TRRAP: variants seen among roughly 807,000 people sequenced by gnomAD.
TRRAP encodes the protein transformation/transcription domain-associated protein.
TRRAP carries 41 observed loss-of-function variants against 438.8 expected under a neutral mutation model. The ratio of observed to expected loss-of-function variants is 0.09; its 90% confidence interval spans 0.07 to 0.12. The LOEUF (loss-of-function observed/expected upper bound fraction) is 0.12, where lower values mean the gene tolerates loss of function less well. Among genes scored for constraint, TRRAP ranks in the 10% least tolerant of loss-of-function variants. The pLI, the probability that TRRAP is intolerant of heterozygous loss-of-function variation, is 1.00. For missense variants in TRRAP, 3,122 were observed against 5,055.1 expected, an observed-to-expected ratio of 0.62 and a Z score of 11.60; for synonymous variants, 1,994 against 1,962.9, an observed-to-expected ratio of 1.02 and a Z score of -0.42.
chr7:98,937,972 C>G (rs137930779), intron 30 of TRRAP, 152 bp downstream of exon 30: 26 of 778,524 alleles, frequency 3.3e-5, no homozygotes, highest in Non-Finnish European at 3.9e-5. Context: ...GTTGGGAGTT[C>G]GAGACCAGAC....
chr7:98,966,726 T>C (rs1334701536), intron 49 of TRRAP, among the ~76,000 whole-genome samples: 1 of 152,202 alleles, frequency 6.6e-6, no homozygotes, highest in African/African-American at 2.4e-5. Flanking sequence ...GTTAACCTTT[T>C]TATGGCGATA....
At chr7:98,918,288 A>C (rs1298084555) in intron 20 of TRRAP, among the ~76,000 whole-genome samples, 1 of 132,334 alleles carries the variant, frequency 7.6e-6, no homozygotes, top group Admixed American at 8.8e-5. Context: ...TGGAGTGCAG[A>C]GGCGCGATCT....
At chr7:98,909,529 A>G (rs1554408218) in intron 14 of TRRAP, among the ~76,000 whole-genome samples, 1 of 152,224 alleles carries the variant, frequency 6.6e-6, no homozygotes, top group African/African-American at 2.4e-5. Flanking sequence ...AGCTCTTAGC[A>G]CACTTCCTGG....
intron 2 of TRRAP, among the ~76,000 whole-genome samples, chr7:98,881,457 A>G (rs1477265157): frequency 6.6e-6 from 1 of 152,068 alleles, no homozygotes; most frequent in Non-Finnish European, 1.5e-5. Flanking sequence ...CTGTAGTCCC[A>G]GCTACTTGGG....
rs760857914 is a variant in TRRAP, at chr7:98,976,213, C to T, written c.7904C>T (p.Thr2635Met). The T allele has an allele frequency of 1.4e-5, 22 of 1,614,040 alleles. No individual in the cohort carries two copies. Among genetic ancestry groups the T allele is most frequent in the Non-Finnish European group, 1.8e-5 (21 of 1,180,022 alleles). The change falls in exon 54 of 73, where the codon ACG becomes ATG. Residue 2635 changes from threonine to methionine, a missense_variant. By Grantham distance (81) the Thr-to-Met change is moderately conservative (BLOSUM62 -1). Around this residue, in one of 24 missense-constraint regions of TRRAP, gnomAD observed 992 missense variants for 1,281.2 expected, o/e 0.77. Coordinates refer to ENST00000456197, the MANE Select transcript of TRRAP (RefSeq NM_001375524.1). This position sits in a 1 kb window ranked among gnomAD's most constrained non-coding sequence, Gnocchi z 4.6. ...ATTTCCACGACGCTGGCAGAGAAGA[C>T]GTGGGTCCAGCTTTTCCCCAGATTG... ...CHISTTLAEK[T>M]WVQLFPRLWK...
Position 99,011,959 on chromosome 7 carries a change from G to A in TRRAP, c.11338-112G>A. On this transcript the variant is annotated intron_variant, in intron 72 of 72. Transcript: ENST00000456197. This position sits in a 1 kb window ranked among gnomAD's most constrained non-coding sequence, Gnocchi z 7.1. The stretch of plus-strand genomic sequence containing the variant: ...CTGGCCTGGTGCTGAAACTCGACTG[G>A]CCCTTGGTGGCCCTGAGCGGCCGCT... 13 of 1,376,686 alleles carry A rather than the reference G, an allele frequency of 9.4e-6. No homozygotes were observed. The highest frequency in any genetic ancestry group is 1.3e-5 in the Non-Finnish European group (13 of 1,012,170). The allele number at this position is 1,376,686 out of a possible 1,614,324, so 85.3% of individuals were successfully genotyped here. A position where few individuals can be genotyped will look rare whatever the true frequency, so the allele number is the denominator to read the frequency against.
intron 12 of TRRAP, among the ~76,000 whole-genome samples, chr7:98,905,028 G>T (rs1554407291): frequency 6.6e-6 from 1 of 152,188 alleles, no homozygotes; most frequent in African/African-American, 2.4e-5. Context: ...TAGAGATTCT[G>T]GTTCTGGGTC....
intron 5 of TRRAP, 82 bp from the exon 6 acceptor site, chr7:98,893,714 AGT>A (rs1282991141): frequency 9.4e-6 from 11 of 1,175,090 alleles, no homozygotes; most frequent in African/African-American, 9.3e-5. Flanking sequence ...GTTGATGGAA[AGT>A]GTGTGTGCAG....
chr7:98,935,596 G>T lies in TRRAP; in HGVS notation c.4032G>T (p.Glu1344Asp), dbSNP rs1554414046. 3 of 1,601,028 alleles carry T rather than the reference G, an allele frequency of 1.9e-6. No homozygotes were observed. The highest frequency in any genetic ancestry group is 2.6e-6 in the Non-Finnish European group (3 of 1,168,968). ...TTTTGCAGCTGTTGAATTTGTGTGA[G>T]GCTGAAGATTCAGCTTTAACAAAGC... ...VFYTELLNLC[E>D]AEDSALTKLP... Residue 1344 changes from glutamate to aspartate, a missense_variant, in exon 28 of 73, where the codon GAG becomes GAT. By Grantham distance (45) the Glu-to-Asp change is conservative (BLOSUM62 2). Around this residue, in one of 24 missense-constraint regions of TRRAP, gnomAD observed 84 missense variants for 119.8 expected, o/e 0.70. Transcript: ENST00000456197.
Position 98,945,733 on chromosome 7 carries a change from C to A in TRRAP, c.4474-14C>A. The A allele has an allele frequency of 6.3e-7, 1 of 1,596,682 alleles. No individual in the cohort carries two copies. The highest frequency in any genetic ancestry group is 1.3e-5 in the African/African-American group (1 of 74,902). On this transcript the variant is annotated splice_polypyrimidine_tract_variant and intron_variant, in intron 31 of 72. Transcript: ENST00000456197. Reference sequence around the variant, plus strand: ...CATAAATAGAAAAAAGATGATTTTCCTCCCCATCCTCAGGAAAGCATTTCC... The same window carrying A: ...CATAAATAGAAAAAAGATGATTTTCATCCCCATCCTCAGGAAAGCATTTCC...
intron 44 of TRRAP, among the ~76,000 whole-genome samples, chr7:98,958,655 G>A (rs1345336443): frequency 1.3e-5 from 2 of 152,138 alleles, no homozygotes; most frequent in Non-Finnish European, 2.9e-5. Flanking sequence ...AAATAATGAT[G>A]TGCCTTCTAG....
chr7:98,968,679 G>A (rs1792269742), intron 51 of TRRAP, among the ~76,000 whole-genome samples: 1 of 152,208 alleles, frequency 6.6e-6, no homozygotes, highest in Non-Finnish European at 1.5e-5. Flanking sequence ...TCCTGAGACA[G>A]CTGGGACAGA....
chr7:98,935,296 A>G (rs1481143799), intron 27 of TRRAP, among the ~76,000 whole-genome samples: 4 of 150,462 alleles, frequency 2.7e-5, no homozygotes, highest in East Asian at 1.9e-4. Flanking sequence ...TTTTGAGGAG[A>G]AAAAAAAACG....
chr7:98,981,779 G>A lies in TRRAP; in HGVS notation c.8645G>A (p.Ser2882Asn), dbSNP rs1302611253. 1.1e-5 allele frequency: 17 copies of A among 1,600,022 alleles called. No individual in the cohort carries two copies. The highest frequency in any genetic ancestry group is 1.3e-5 in the Non-Finnish European group (15 of 1,174,268). The change falls in exon 59 of 73, where the codon AGC (serine) becomes AAC (asparagine). Residue 2882 changes from serine to asparagine, a missense_variant. Ser to Asn is a conservative substitution (Grantham distance 46). Transcript: ENST00000456197. ...MKEALVQVEV[S>N]CPKEMAWKVN... Reference sequence around the variant, plus strand: ...TTCTTTCACTGCCAGGTGGAAGTGAGCTGTCCGAAGGAGATGGCCTGGAAG... The same window carrying A: ...TTCTTTCACTGCCAGGTGGAAGTGAACTGTCCGAAGGAGATGGCCTGGAAG...
chr7:98,942,035 A>G (rs1584339836), intron 30 of TRRAP, among the ~76,000 whole-genome samples: 1 of 152,174 alleles, frequency 6.6e-6, no homozygotes, highest in East Asian at 1.9e-4. Context: ...GCAGGGTAAT[A>G]AATATGCAAC....
intron 13 of TRRAP, among the ~76,000 whole-genome samples, chr7:98,907,514 A>G (rs1458599318): frequency 2.6e-5 from 4 of 152,226 alleles, no homozygotes; most frequent in African/African-American, 7.2e-5. Flanking sequence ...TCTATAGACA[A>G]TGTTATAAAA....
intron 65 of TRRAP, among the ~76,000 whole-genome samples, chr7:98,992,951 T>C (rs1793494293): frequency 6.6e-6 from 1 of 152,130 alleles, no homozygotes; most frequent in African/African-American, 2.4e-5. Context: ...GGTTTTTTAG[T>C]TTTAAGACTA....
chr7:98,990,486 A>G lies in TRRAP; in HGVS notation c.9623A>G (p.Lys3208Arg). 2.5e-6 allele frequency: 4 copies of G among 1,613,716 alleles called. No homozygotes were observed. Among genetic ancestry groups the G allele is most frequent in the Non-Finnish European group, 2.5e-6 (3 of 1,179,624 alleles). ...TGGCTTTTGAGTTTTGATGATGACA[A>G]AAACACTTTGGCAGATGCCGTCGAC... ...VLWLLSFDDD[K>R]NTLADAVDKY... is the part of the protein sequence containing the mutation. Residue 3208 changes from lysine to arginine, a missense_variant, in exon 64 of 73, where the codon AAA becomes AGA. By Grantham distance (26) the Lys-to-Arg change is conservative. This residue lies in a region of TRRAP where 52 missense variants were observed against 88.3 expected (regional missense o/e 0.59). Transcript: ENST00000456197.
In TRRAP at chr7:98,937,830, A is replaced by G; in HGVS notation, c.4404+10A>G. 6.2e-7 allele frequency: 1 copy of G among 1,606,630 alleles called. No homozygotes were observed. The highest frequency in any genetic ancestry group is 8.5e-7 in the Non-Finnish European group (1 of 1,177,308). On this transcript the variant is annotated intron_variant, in intron 30 of 72. Transcript: ENST00000456197. ...TTGTGATCAGATGATGGTAAGCCAAATGCATTTAAACGCTCTGTAACAAAC... is the reference window on the plus strand; with the variant it reads ...TTGTGATCAGATGATGGTAAGCCAAGTGCATTTAAACGCTCTGTAACAAAC...
Sources: allele counts gnomAD v4.1 joint callset (sites outside exome capture counted in the v4.1 genomes callset), GRCh38; gene constraint gnomAD v4.1.1; regional missense constraint gnomAD v4.1.1; non-coding constraint Gnocchi (gnomAD v3.1); transcripts MANE v1.5; gene names NCBI Gene and HGNC (gene_info 2026-07-23, HGNC 2026-07-21).